The following HEMK2 variants were observed in gnomAD, a reference collection of about 807,000 sequenced individuals.
HEMK2 encodes HemK methyltransferase 2, ETF1 glutamine and histone H4 lysine, also known as methyltransferase HEMK2.
chr21:28,706,132 C>T, the HEMK2 span, among the ~76,000 whole-genome samples: 5 of 152,294 alleles, frequency 3.3e-5, no homozygotes, highest in South Asian at 1.0e-3. Flanking sequence ...CCTCATTCTA[C>T]ACGGACAAAG....
the HEMK2 span, among the ~76,000 whole-genome samples, chr21:28,706,354 C>T: frequency 6.6e-6 from 1 of 152,112 alleles, no homozygotes; most frequent in Non-Finnish European, 1.5e-5. Context: ...CTATAACATC[C>T]TAGTTATATT....
the HEMK2 span, among the ~76,000 whole-genome samples, chr21:28,709,326 G>A: frequency 6.6e-6 from 1 of 152,172 alleles, no homozygotes; most frequent in East Asian, 1.9e-4. Flanking sequence ...TCAAATCTGA[G>A]AATTCTCAAA....
chr21:28,626,193 T>C, the HEMK2 span, among the ~76,000 whole-genome samples: 1 of 151,760 alleles, frequency 6.6e-6, no homozygotes, highest in Non-Finnish European at 1.5e-5. Flanking sequence ...GCACAAAGGA[T>C]GGGTGGAGTA....
chr21:28,842,430 C>T, the HEMK2 span, among the ~76,000 whole-genome samples: 1 of 152,122 alleles, frequency 6.6e-6, no homozygotes, highest in Middle Eastern at 3.2e-3. Flanking sequence ...AATATCCTAA[C>T]TTCTCAGACT....
chr21:28,707,343 C>T, the HEMK2 span, among the ~76,000 whole-genome samples: 9 of 151,064 alleles, frequency 6.0e-5, no homozygotes, highest in Admixed American at 1.3e-4. Flanking sequence ...GCAACCTCCG[C>T]GTCCCCCATT....
the HEMK2 span, among the ~76,000 whole-genome samples, chr21:28,680,027 A>C: frequency 4.9e-3 from 747 of 152,338 alleles, 7 homozygotes; most frequent in African/African-American, 0.017. Flanking sequence ...AAAAGCTAGC[A>C]GAAGGCAAGA....
the HEMK2 span, among the ~76,000 whole-genome samples, chr21:28,649,996 C>T: frequency 0.22 from 33,415 of 152,026 alleles, 4,077 homozygotes; most frequent in East Asian, 0.38. Flanking sequence ...TAAAGAACAT[C>T]TGAAATTCTA....
the HEMK2 span, among the ~76,000 whole-genome samples, chr21:28,831,622 GGAAAGAAGGAAGGAAAGAAAGAAA>G: frequency 2.7e-5 from 2 of 73,502 alleles, no homozygotes; most frequent in South Asian, 4.2e-4. Context: ...AAGGAAAGAA[GGAAAGAAGGAAGGAAAGAAAGAAA>G]GAAAGAAAGA....
chr21:28,874,356 T>C, the HEMK2 span: 1 of 152,252 alleles, frequency 6.6e-6, no homozygotes, highest in East Asian at 1.9e-4. Context: ...GATAAAACAC[T>C]ATCCCTTCAA....
the HEMK2 span, among the ~76,000 whole-genome samples, chr21:28,819,430 G>C: frequency 1.3e-5 from 2 of 151,070 alleles, no homozygotes; most frequent in African/African-American, 2.4e-5. Flanking sequence ...CAAAAAATTC[G>C]ATTAACTCAA....
the HEMK2 span, among the ~76,000 whole-genome samples, chr21:28,777,539 G>A: frequency 6.6e-6 from 1 of 152,046 alleles, no homozygotes; most frequent in African/African-American, 2.4e-5. Context: ...GTCCAGAGAG[G>A]TTGTCACTTA....
the HEMK2 span, among the ~76,000 whole-genome samples, chr21:28,831,462 C>CGAAA: frequency 0.043 from 1,011 of 23,472 alleles, 55 homozygotes; most frequent in Non-Finnish European, 0.059. Context: ...AAGAAAAGAA[C>CGAAA]GAAAGAAAGA....
chr21:28,877,574 A>G, the HEMK2 span, among the ~76,000 whole-genome samples: 2 of 103,478 alleles, frequency 1.9e-5, no homozygotes, highest in African/African-American at 5.3e-5. Flanking sequence ...GAAAGGAAAG[A>G]AGAAAGGAAG....
the HEMK2 span, among the ~76,000 whole-genome samples, chr21:28,734,110 A>T: frequency 6.6e-6 from 1 of 152,232 alleles, no homozygotes; most frequent in East Asian, 1.9e-4. Flanking sequence ...TAATATCCGT[A>T]TCAGGAGTTC....
chr21:28,660,389 T>G, the HEMK2 span, among the ~76,000 whole-genome samples: 1 of 151,834 alleles, frequency 6.6e-6, no homozygotes, highest in Non-Finnish European at 1.5e-5. Flanking sequence ...CTTACTATTT[T>G]ACTTTTACAT....
the HEMK2 span, among the ~76,000 whole-genome samples, chr21:28,745,403 T>C: frequency 6.6e-6 from 1 of 152,286 alleles, no homozygotes; most frequent in African/African-American, 2.4e-5. Context: ...AGATGGATGT[T>C]GTATGAGATT....
chr21:28,845,678 T>C, the HEMK2 span, among the ~76,000 whole-genome samples: 1 of 149,690 alleles, frequency 6.7e-6, no homozygotes, highest in Admixed American at 6.6e-5. Context: ...CCAATAATTG[T>C]AAGTAGAAAT....
the HEMK2 span, among the ~76,000 whole-genome samples, chr21:28,856,754 A>C: frequency 6.6e-6 from 1 of 152,192 alleles, no homozygotes; most frequent in African/African-American, 2.4e-5. Flanking sequence ...CCTGCCAAGG[A>C]AAGTGTACTT....
chr21:28,841,362 T>TAATATATAATATTATATATAA, the HEMK2 span, among the ~76,000 whole-genome samples: 2 of 16,672 alleles, frequency 1.2e-4, no homozygotes, highest in Non-Finnish European at 1.6e-4. Flanking sequence ...ATATTATATA[T>TAATATATAATATTATATATAA]TATATAAAAT....
Sources: gnomAD v4.1 joint callset for allele counts (sites outside exome capture counted in the v4.1 genomes callset) on GRCh38, gnomAD v4.1.1 for gene constraint, MANE v1.5 for transcripts, NCBI Gene and HGNC (gene_info 2026-07-23, HGNC 2026-07-21) for gene names.